PPP4R2: variants seen among roughly 807,000 people sequenced by gnomAD.
PPP4R2 encodes the protein protein phosphatase 4 regulatory subunit 2.
A neutral mutation model predicts 47.2 loss-of-function variants in PPP4R2; 13 were observed. That is an observed-to-expected ratio of 0.28 (90% CI 0.18 to 0.44). The LOEUF is 0.44. Ranked by LOEUF, PPP4R2 falls within the 20% of genes least tolerant of loss-of-function variation. PPP4R2 has a pLI of 1.00. For synonymous variants in PPP4R2, 151 were observed against 163.3 expected (o/e 0.92, Z 0.57); for missense variants, 421 against 491.2 (o/e 0.86, Z 1.35).
intron 3 of PPP4R2, among the ~76,000 whole-genome samples, chr3:73,056,946 T>G (rs1043510083): frequency 2.0e-5 from 3 of 152,324 alleles, no homozygotes; most frequent in Non-Finnish European, 4.4e-5. Context: ...ATTTTTCAGT[T>G]AAGTACTATT....
intron 2 of PPP4R2, chr3:73,015,028 C>T (rs1480334190): frequency 6.5e-6 from 4 of 617,486 alleles, no homozygotes; most frequent in East Asian, 2.8e-5. Context: ...TCGAAATATA[C>T]TCCTGGCCTG....
chr3:73,064,740 ATTTAAC>A (rs1331675722), intron 7 of PPP4R2, 106 bp from the exon 8 acceptor site: 4 of 947,540 alleles, frequency 4.2e-6, no homozygotes, highest in Non-Finnish European at 6.4e-6. Context: ...AGGTGTTATA[ATTTAAC>A]TTTGACACTG....
chr3:73,031,674 T>A (rs1337981312), intron 2 of PPP4R2, among the ~76,000 whole-genome samples: 5 of 152,224 alleles, frequency 3.3e-5, no homozygotes. Context: ...AAAGTGCCTT[T>A]AGAAGTATTT....
At chr3:73,062,167 T>G in intron 5 of PPP4R2, 2 of 1,552,360 alleles carry the variant, frequency 1.3e-6, no homozygotes, top group Non-Finnish European at 1.7e-6. Flanking sequence ...AAAAGATCTT[T>G]TAGACCTATG....
chr3:73,031,658 A>G (rs941493151), intron 2 of PPP4R2, among the ~76,000 whole-genome samples: 2 of 152,196 alleles, frequency 1.3e-5, no homozygotes, highest in Admixed American at 6.5e-5. Flanking sequence ...ATGAAAGAGG[A>G]TATTTAAAGT....
At position 73,047,362 on chromosome 3, in the gene PPP4R2, C is replaced by T; in HGVS notation, c.287+6C>T. 2 of 1,544,350 alleles carry T rather than the reference C, an allele frequency of 1.3e-6. No homozygotes were observed. Among genetic ancestry groups the T allele is most frequent in the South Asian group, 1.2e-5 (1 of 82,998 alleles). On this transcript the variant is annotated splice_donor_region_variant and intron_variant, in intron 3 of 8. Coordinates refer to ENST00000356692, the MANE Select transcript of PPP4R2 (RefSeq NM_174907.4). ...ATTGTCACTGGATTTAATGGGTATG[C>T]ACTTAATACTGTTTTAAAGATTTAA...
intron 3 of PPP4R2, among the ~76,000 whole-genome samples, chr3:73,048,422 T>G (rs1351967836): frequency 6.6e-6 from 1 of 151,754 alleles, no homozygotes; most frequent in African/African-American, 2.4e-5. Context: ...GCTCGGCTAA[T>G]TTTTTTATTT....
intron 2 of PPP4R2, among the ~76,000 whole-genome samples, chr3:73,032,523 G>GT (rs1424969996): frequency 6.6e-6 from 1 of 152,100 alleles, no homozygotes; most frequent in Non-Finnish European, 1.5e-5. Flanking sequence ...TCCTGACCTT[G>GT]TGATCTGCCC....
chr3:72,996,777 A>G (rs985430992), upstream of PPP4R2: 1 of 345,876 alleles, frequency 2.9e-6, no homozygotes, highest in African/African-American at 2.1e-5. Context: ...GGGAGCGAGG[A>G]CGGCGGCAGG....
At position 73,020,691 on chromosome 3, in the gene PPP4R2, A is replaced by AAAAAAAAAAT. The variant is rs1491161875; in HGVS notation, c.116+22533_116+22534insAAAAAAAAAT. ...TCTCTTTAAAAAAAAAAAAAAAAAAAGTTAAAAAACTTTTTTTGTAGAGAC... is the reference window on the plus strand; with the variant it reads ...TCTCTTTAAAAAAAAAAAAAAAAAAAAAAAAAAAATGTTAAAAAACTTTTTTTGTAGAGAC... On this transcript the variant is annotated intron_variant, in intron 2 of 8. Coordinates refer to ENST00000356692, the MANE Select transcript of PPP4R2 (RefSeq NM_174907.4). 4.3e-3 allele frequency among the ~76,000 whole-genome samples: 636 copies of AAAAAAAAAAT among 148,696 alleles called. 7 individuals carry two copies. Among genetic ancestry groups the AAAAAAAAAAT allele is most frequent in the African/African-American group, 0.015 (613 of 40,536 alleles).
chr3:73,063,836 T>A, intron 6 of PPP4R2, 89 bp downstream of exon 6: 2 of 1,147,926 alleles, frequency 1.7e-6, no homozygotes, highest in South Asian at 2.6e-5. Context: ...AATTGGGCAT[T>A]TTATGGACAC....
At chr3:73,054,104 GAC>G (rs1702678780) in intron 3 of PPP4R2, among the ~76,000 whole-genome samples, 1 of 152,062 alleles carries the variant, frequency 6.6e-6, no homozygotes, top group African/African-American at 2.4e-5. Flanking sequence ...TTTTAGTAGA[GAC>G]AGGGTTTCGC....
chr3:73,034,411 A>C (rs1702225677), intron 2 of PPP4R2, among the ~76,000 whole-genome samples: 1 of 152,218 alleles, frequency 6.6e-6, no homozygotes, highest in African/African-American at 2.4e-5. Flanking sequence ...GGAGATTCCT[A>C]CCAGTTAGTG....
rs908290567 is a variant in PPP4R2 at position 73,067,030 on chromosome 3, G to T, written c.*1308G>T. 1.3e-5 allele frequency: 2 copies of T among 151,932 alleles called. No individual in the cohort carries two copies. Among genetic ancestry groups the T allele is most frequent in the Non-Finnish European group, 2.9e-5 (2 of 67,916 alleles). The allele number at this position is 151,932 out of a possible 1,614,324, so 9.4% of individuals were successfully genotyped here. On this transcript the variant is annotated 3_prime_UTR_variant, in exon 9 of 9. Transcript: ENST00000356692. Reference sequence around the variant, plus strand: ...ACCTGTTTCTTCAGCTGTACCTTTTGATATTTAAAGTTTTTAAATTTCTGT... The same window carrying T: ...ACCTGTTTCTTCAGCTGTACCTTTTTATATTTAAAGTTTTTAAATTTCTGT...
intron 2 of PPP4R2, chr3:73,014,834 T>A: frequency 2.4e-6 from 1 of 423,182 alleles, no homozygotes; most frequent in Non-Finnish European, 4.2e-6. Context: ...AAATCTAGCA[T>A]TGCTTTATCA....
intron 2 of PPP4R2, among the ~76,000 whole-genome samples, chr3:73,005,077 G>GCATT (rs1188774827): frequency 1.3e-5 from 2 of 151,670 alleles, no homozygotes; most frequent in African/African-American, 4.8e-5. Flanking sequence ...CCAGTAGCTG[G>GCATT]CATTACAGGT....
At chr3:73,052,875 A>G (rs1575881198) in intron 3 of PPP4R2, among the ~76,000 whole-genome samples, 2 of 152,370 alleles carry the variant, frequency 1.3e-5, no homozygotes, top group Middle Eastern at 3.4e-3. Context: ...TCATCTGTTA[A>G]GCAGGTACAG....
chr3:73,063,819 T>G, intron 6 of PPP4R2, 72 bp downstream of exon 6: 1 of 1,238,266 alleles, frequency 8.1e-7, no homozygotes, highest in Non-Finnish European at 1.2e-6. Flanking sequence ...TTAGTGTACT[T>G]TTTAAAAATT....
intron 2 of PPP4R2, among the ~76,000 whole-genome samples, chr3:73,011,126 C>G (rs1226447830): frequency 6.6e-6 from 1 of 152,226 alleles, no homozygotes; most frequent in South Asian, 2.1e-4. Context: ...GTTCAGTTGT[C>G]TTACATCCTC....
Sources: gnomAD v4.1 joint callset for allele counts (sites outside exome capture counted in the v4.1 genomes callset) on GRCh38, gnomAD v4.1.1 for gene constraint, MANE v1.5 for transcripts, NCBI Gene and HGNC (gene_info 2026-07-23, HGNC 2026-07-21) for gene names.